The following DAXX variants were observed in gnomAD, a reference collection of about 807,000 sequenced individuals.
DAXX encodes death domain associated protein.
DAXX carries 24 observed loss-of-function variants against 61.9 expected under a neutral mutation model. The ratio of observed to expected loss-of-function variants is 0.39; its 90% CI spans 0.28 to 0.55. The LOEUF (loss-of-function observed/expected upper bound fraction) is 0.55, where lower values mean the gene tolerates loss of function less well. DAXX is among the 20% of genes least tolerant of loss of function. The pLI, the probability that DAXX is intolerant of heterozygous loss-of-function variation, is 0.69. For missense variants in DAXX, 819 were observed against 935.3 expected (o/e 0.88, Z 1.62); for synonymous variants, 357 against 369.5 (o/e 0.97, Z 0.39).
At chr6:33,322,009 C>G in intron 1 of DAXX, 32 bp from the exon 2 acceptor site, 2 of 1,487,764 alleles carry the variant, frequency 1.3e-6, no homozygotes, top group Admixed American at 2.1e-5. Context: ...GAATGAGCCC[C>G]TCCAGCATAG....
chr6:33,322,706 C>T, intron 1 of DAXX, 156 bp downstream of exon 1: 1 of 362,512 alleles, frequency 2.8e-6, no homozygotes, highest in East Asian at 6.3e-5. Flanking sequence ...CCCGCCAAAT[C>T]CCCCTCCCCC....
In DAXX at chr6:33,320,296, C is replaced by T. The variant is rs1387017635; in HGVS notation, c.1252-72G>A. The T allele has an allele frequency of 6.9e-7, 1 of 1,456,796 alleles. No individual in the cohort carries two copies. The highest frequency in any genetic ancestry group is 9.6e-7 in the Non-Finnish European group (1 of 1,037,058). 90.2% of individuals were successfully genotyped at this position (1,456,796 alleles called of 1,614,324 possible). A position where few individuals can be genotyped will look rare whatever the true frequency, so the allele number is the denominator to read the frequency against. ...TTTGGTTCTTGCTTTCCTTCTCATG[C>T]TCCCCCATCAGTCAACCTGGACTCC... On this transcript the variant is annotated intron_variant, in intron 4 of 7. Coordinates refer to ENST00000374542, the MANE Select transcript of DAXX (RefSeq NM_001141969.2). This position sits in a 1 kb window ranked among gnomAD's most constrained non-coding sequence, Gnocchi z 7.1.
rs780651223 is a variant in DAXX at position 33,320,234 on chromosome 6, AAAG to A, written c.1252-13_1252-11del. 9 of 1,598,956 alleles carry A rather than the reference AAAG, an allele frequency of 5.6e-6. No individual in the cohort carries two copies. The highest frequency in any genetic ancestry group is 7.7e-6 in the Non-Finnish European group (9 of 1,166,456). On this transcript the variant is annotated splice_polypyrimidine_tract_variant and intron_variant, in intron 4 of 7. Coordinates refer to ENST00000374542, the MANE Select transcript of DAXX (RefSeq NM_001141969.2). The surrounding 1 kb of genome is among the most constrained non-coding windows in gnomAD (Gnocchi z 7.1). ...CCATTCCACTAGGGCCCTGGGAGAC[AAAG>A]AAGTTTCTCTAAGGAATCCCTTGCC...
chr6:33,319,817 C>T lies in DAXX; in HGVS notation c.1503G>A (p.Gln501=), dbSNP rs1770313515. The T allele has an allele frequency of 6.2e-7, 1 of 1,613,868 alleles. No individual in the cohort carries two copies. Among genetic ancestry groups the T allele is most frequent in the Non-Finnish European group, 8.5e-7 (1 of 1,179,944 alleles). ...GTTCCAGGTTCTTTTCATTGGAGATCTGTAGTGAGGACATGGGGCTCTTGT... is the reference window on the plus strand; with the variant it reads ...GTTCCAGGTTCTTTTCATTGGAGATTTGTAGTGAGGACATGGGGCTCTTGT... ...DGDKSPMSSL[Q]ISNEKNLEPG... Residue 501 remains glutamine, a synonymous_variant, in exon 6 of 8, where the codon CAG becomes CAA. Transcript: ENST00000374542.
chr6:33,320,920 G>A lies in DAXX; in HGVS notation c.855C>T (p.Asp285=), dbSNP rs1056097466. 6.2e-7 allele frequency: 1 copy of A among 1,614,210 alleles called. No individual in the cohort carries two copies. The highest frequency in any genetic ancestry group is 8.5e-7 in the Non-Finnish European group (1 of 1,180,028). Residue 285 remains aspartate (D), a synonymous_variant, in exon 3 of 8, where the codon GAC becomes GAT. Coordinates refer to ENST00000374542, the MANE Select transcript of DAXX (RefSeq NM_001141969.2). The surrounding 1 kb of genome is among the most constrained non-coding windows in gnomAD (Gnocchi z 7.1). ...CTACAGCCCGAAGCACATCCCCATA[G>A]TCAGGGAAGGTATCAGGCCCTGGCT... ...INKPGPDTFP[D]YGDVLRAVEK...
Position 33,320,523 on chromosome 6 carries a change from T to G in DAXX, c.1108A>C (p.Ser370Arg). The G allele has an allele frequency of 6.2e-7, 1 of 1,614,058 alleles. No homozygotes were observed. Residue 370 changes from serine to arginine, a missense_variant, in exon 4 of 8, where the codon AGT becomes CGT. Physicochemically the swap from Ser to Arg is moderately radical, Grantham distance 110. Coordinates refer to ENST00000374542, the MANE Select transcript of DAXX (RefSeq NM_001141969.2). The surrounding 1 kb of genome is among the most constrained non-coding windows in gnomAD (Gnocchi z 7.1). ...RLRENRSLAM[S>R]RLDEVISKYA... The stretch of plus-strand genomic sequence containing the variant: ...TTGGAGATGACCTCATCCAGCCGAC[T>G]CATGGCCAAACTCCGGTTTTCCCGA...
Sources: allele counts gnomAD v4.1 joint callset, GRCh38; gene constraint gnomAD v4.1.1; non-coding constraint Gnocchi (gnomAD v3.1); transcripts MANE v1.5; gene names NCBI Gene and HGNC (gene_info 2026-07-23, HGNC 2026-07-21).